The following DNAI7 variants were observed in gnomAD, a reference collection of about 807,000 sequenced individuals.
DNAI7 encodes dynein axonemal intermediate chain 7.
Under a neutral mutation model 86.6 loss-of-function variants are expected in DNAI7, and 78 were observed. That is an observed-to-expected ratio of 0.90 (90% CI 0.75 to 1.09). The LOEUF is 1.09. DNAI7 is among the 50% of genes least tolerant of loss of function. The probability of loss-of-function intolerance (pLI) is 0.00; values close to 1 mark genes in which losing one functional copy is unlikely to be tolerated. For synonymous variants in DNAI7, 274 were observed against 273.0 expected (o/e 1.00, Z -0.04); for missense variants, 753 against 810.2 (o/e 0.93, Z 0.86).
intron 2 of DNAI7, among the ~76,000 whole-genome samples, chr12:25,181,586 AAC>A (rs1348927811): frequency 2.0e-5 from 3 of 152,220 alleles, no homozygotes; most frequent in African/African-American, 7.2e-5. Flanking sequence ...CAAAAGAAAC[AAC>A]ACAGTCAACA....
At chr12:25,180,983 T>A (rs1176855349) in intron 2 of DNAI7, among the ~76,000 whole-genome samples, 1 of 152,188 alleles carries the variant, frequency 6.6e-6, no homozygotes. Context: ...ATTTTTTGTA[T>A]TTTTAGTAGA....
intron 2 of DNAI7, among the ~76,000 whole-genome samples, chr12:25,166,423 A>T (rs1592570580): frequency 6.6e-6 from 1 of 151,724 alleles, no homozygotes; most frequent in Non-Finnish European, 1.5e-5. Context: ...ATTCCTTTGC[A>T]CCCTTCATCC....
intron 2 of DNAI7, among the ~76,000 whole-genome samples, chr12:25,172,271 T>G (rs1394797709): frequency 6.6e-6 from 1 of 152,166 alleles, no homozygotes; most frequent in Non-Finnish European, 1.5e-5. Flanking sequence ...ACAAGATTAA[T>G]GTACACAACT....
intron 2 of DNAI7, 79 bp from the exon 3 acceptor site, chr12:25,161,276 T>G: frequency 2.4e-6 from 3 of 1,259,660 alleles, no homozygotes; most frequent in South Asian, 2.4e-5. Context: ...ATACTAATTA[T>G]GAAAAACATT....
At chr12:25,155,433 C>T (rs1366535964) in intron 4 of DNAI7, 21 bp from the exon 5 acceptor site, 1 of 1,287,156 alleles carries the variant, frequency 7.8e-7, no homozygotes, top group African/African-American at 1.5e-5. Context: ...AGGACAGATA[C>T]ATTGATCAGC....
downstream of DNAI7, chr12:25,107,047 C>T (rs1002402141): frequency 3.2e-6 from 5 of 1,556,578 alleles, no homozygotes; most frequent in Admixed American, 8.6e-5. Context: ...GATGTCTCTT[C>T]AGTGTAAGTT....
intron 6 of DNAI7, among the ~76,000 whole-genome samples, chr12:25,151,446 A>G (rs920371586): frequency 2.0e-5 from 3 of 152,078 alleles, no homozygotes; most frequent in Admixed American, 6.6e-5. Context: ...TATTGTTGTG[A>G]TTACTCCCCT....
At chr12:25,176,375 C>T (rs1948961272) in intron 2 of DNAI7, among the ~76,000 whole-genome samples, 1 of 151,864 alleles carries the variant, frequency 6.6e-6, no homozygotes, top group Admixed American at 6.6e-5. Context: ...ATTTTCAGTA[C>T]ACAACTGAAT....
At chr12:25,140,842 G>A (rs935828004) in intron 9 of DNAI7, among the ~76,000 whole-genome samples, 70 of 152,226 alleles carry the variant, frequency 4.6e-4, no homozygotes, top group African/African-American at 1.5e-3. Flanking sequence ...AAAACAGCAT[G>A]GTACTGGTAT....
intron 2 of DNAI7, among the ~76,000 whole-genome samples, chr12:25,184,042 G>A (rs976853470): frequency 2.6e-5 from 4 of 152,088 alleles, no homozygotes; most frequent in Admixed American, 1.3e-4. Context: ...ACTTTAGAAT[G>A]TCTTAACTCA....
At chr12:25,167,996 G>A (rs947164332) in intron 2 of DNAI7, among the ~76,000 whole-genome samples, 1 of 152,016 alleles carries the variant, frequency 6.6e-6, no homozygotes, top group Non-Finnish European at 1.5e-5. Context: ...ACCCAGCCCC[G>A]AAAATAACAG....
chr12:25,136,516 A>G (rs1170697784), intron 9 of DNAI7, among the ~76,000 whole-genome samples: 1 of 152,186 alleles, frequency 6.6e-6, no homozygotes, highest in Non-Finnish European at 1.5e-5. Flanking sequence ...AACACCCCCA[A>G]AAGATCACAC....
At chr12:25,113,938 GTTTTTTTTTTTTTT>G (rs112532652) in intron 13 of DNAI7, among the ~76,000 whole-genome samples, 15 of 82,832 alleles carry the variant, frequency 1.8e-4, no homozygotes, top group African/African-American at 6.9e-4. Context: ...TTCTTTCTGG[GTTTTTTTTTTTTTT>G]TTTTTTTTTT....
At chr12:25,115,375 C>G (rs370755103) in intron 12 of DNAI7, among the ~76,000 whole-genome samples, 1 of 152,198 alleles carries the variant, frequency 6.6e-6, no homozygotes, top group East Asian at 1.9e-4. Context: ...TTTTTATCCC[C>G]TCAGTAAGAT....
At chr12:25,158,434 TTAAG>T (rs1184405519) in intron 4 of DNAI7, 34 bp downstream of exon 4, 1 of 1,490,060 alleles carries the variant, frequency 6.7e-7, no homozygotes. Flanking sequence ...TAGCCATAGT[TTAAG>T]TATTCATTAA....
chr12:25,166,772 C>T (rs1947526719), intron 2 of DNAI7, among the ~76,000 whole-genome samples: 1 of 152,150 alleles, frequency 6.6e-6, no homozygotes, highest in South Asian at 2.1e-4. Context: ...TTTAGCCTAG[C>T]CCTCATGTCT....
At chr12:25,117,321 G>A (rs1045304700) in intron 12 of DNAI7, among the ~76,000 whole-genome samples, 1 of 152,000 alleles carries the variant, frequency 6.6e-6, no homozygotes, top group East Asian at 1.9e-4. Context: ...AGAGCACCAG[G>A]GCATTCATTA....
Position 25,125,803 on chromosome 12 carries a change from G to A in DNAI7, c.1003-2517C>T, listed in dbSNP as rs144676524. ...TTTTTGTAAACAGTATAAGAAAGAG[G>A]TACAGTTTCAATCTTCTGCATATGG... On this transcript the variant is annotated intron_variant, in intron 9 of 15. Transcript: ENST00000395987. Among the ~76,000 whole-genome samples, 280 of 152,202 alleles carry A rather than the reference G, an allele frequency of 1.8e-3. 3 individuals carry two copies. The highest frequency in any genetic ancestry group is 0.014 in the Admixed American group (220 of 15,284).
intron 9 of DNAI7, among the ~76,000 whole-genome samples, chr12:25,139,797 T>C (rs1414544178): frequency 6.6e-6 from 1 of 152,122 alleles, no homozygotes; most frequent in African/African-American, 2.4e-5. Context: ...TGTATACCTA[T>C]GCAACAAACC....
Sources: allele counts gnomAD v4.1 joint callset (sites outside exome capture counted in the v4.1 genomes callset), GRCh38; gene constraint gnomAD v4.1.1; transcripts MANE v1.5; gene names NCBI Gene and HGNC (gene_info 2026-07-23, HGNC 2026-07-21).